ZNF385B: variants seen among roughly 807,000 people sequenced by gnomAD.
ZNF385B encodes the protein zinc finger protein 533.
ZNF385B carries 23 observed loss-of-function variants against 39.2 expected under a neutral mutation model. That is an observed-to-expected ratio of 0.59 (90% CI 0.42 to 0.83). ZNF385B has a LOEUF of 0.83. ZNF385B is among the 40% of genes least tolerant of loss of function. ZNF385B has a pLI of 0.00. For missense variants in ZNF385B, 552 were observed against 598.9 expected, an observed-to-expected ratio of 0.92 and a Z score of 0.82; for synonymous variants, 205 against 222.6, an observed-to-expected ratio of 0.92 and a Z score of 0.70.
At chr2:179,737,056 C>T (rs1701808320) in intron 3 of ZNF385B, among the ~76,000 whole-genome samples, 1 of 152,296 alleles carries the variant, frequency 6.6e-6, no homozygotes, top group African/African-American at 2.4e-5. Context: ...ATTTCCAAAC[C>T]TCATCACATT....
intron 1 of ZNF385B, among the ~76,000 whole-genome samples, chr2:179,804,454 G>A (rs1178794761): frequency 6.6e-6 from 1 of 152,140 alleles, no homozygotes. Context: ...ATATAATATG[G>A]CATAAACGTT....
intron 5 of ZNF385B, among the ~76,000 whole-genome samples, chr2:179,493,538 T>C (rs916424569): frequency 2.0e-5 from 3 of 151,032 alleles, no homozygotes; most frequent in South Asian, 2.1e-4. Flanking sequence ...CATATATGCG[T>C]ATACATACGT....
chr2:179,447,725 A>C (rs2049647199), intron 6 of ZNF385B, among the ~76,000 whole-genome samples: 1 of 152,184 alleles, frequency 6.6e-6, no homozygotes, highest in South Asian at 2.1e-4. Context: ...AAGGGAATTA[A>C]ATCTGAGAAT....
chr2:179,614,580 G>A (rs1689573204), intron 3 of ZNF385B, among the ~76,000 whole-genome samples: 4 of 152,170 alleles, frequency 2.6e-5, no homozygotes, highest in African/African-American at 9.7e-5. Flanking sequence ...CAGTATCAAG[G>A]AGGTAAAGCC....
At chr2:179,497,827 CTT>C (rs2105708662) in intron 5 of ZNF385B, among the ~76,000 whole-genome samples, 1 of 152,180 alleles carries the variant, frequency 6.6e-6, no homozygotes, top group East Asian at 1.9e-4. Flanking sequence ...AAAAAACACA[CTT>C]CACCTGTAAA....
intron 3 of ZNF385B, among the ~76,000 whole-genome samples, chr2:179,625,436 G>T (rs933268152): frequency 6.6e-6 from 1 of 151,358 alleles, no homozygotes; most frequent in African/African-American, 2.4e-5. Flanking sequence ...ATATATTATG[G>T]TTATTTGTAT....
chr2:179,819,813 A>G (rs560437113), intron 1 of ZNF385B, among the ~76,000 whole-genome samples: 1 of 152,296 alleles, frequency 6.6e-6, no homozygotes, highest in African/African-American at 2.4e-5. Context: ...TTCTATTATT[A>G]CACTATTTTT....
At chr2:179,518,723 CAT>C in intron 4 of ZNF385B, 85 bp from the exon 5 acceptor site, 1 of 768,808 alleles carries the variant, frequency 1.3e-6, no homozygotes, top group Non-Finnish European at 2.0e-6. Context: ...TGAAATATTC[CAT>C]AAAGTTTAAA....
chr2:179,452,843 T>C (rs979835191), intron 6 of ZNF385B, among the ~76,000 whole-genome samples: 9 of 152,160 alleles, frequency 5.9e-5, no homozygotes, highest in Non-Finnish European at 8.8e-5. Context: ...TTTGTGGCTA[T>C]ACTGTCTCTG....
chr2:179,472,063 T>C (rs1263016193), intron 6 of ZNF385B, among the ~76,000 whole-genome samples: 1 of 152,222 alleles, frequency 6.6e-6, no homozygotes, highest in African/African-American at 2.4e-5. Flanking sequence ...ATTACCTTGG[T>C]ATAGAATCCG....
chr2:179,758,070 G>T (rs1703155797), intron 3 of ZNF385B, among the ~76,000 whole-genome samples: 2 of 152,140 alleles, frequency 1.3e-5, no homozygotes, highest in African/African-American at 2.4e-5. Context: ...GGGAGCTATA[G>T]AGTGGAGCTG....
rs191819332 is a variant in ZNF385B at position 179,742,102 on chromosome 2, G to A, written c.298+27401C>T. ...ATAATACTCATTAATTATTCAAAAT[G>A]TTACTGATACTTATTTAATGTGCTG... On this transcript the variant is annotated intron_variant, in intron 3 of 9. Transcript: ENST00000410066. 1.6e-3 allele frequency among the ~76,000 whole-genome samples: 244 copies of A among 152,182 alleles called. 1 individual carries two copies. The highest frequency in any genetic ancestry group is 5.5e-3 in the African/African-American group (228 of 41,542).
intron 5 of ZNF385B, among the ~76,000 whole-genome samples, chr2:179,501,358 A>G (rs546935630): frequency 3.3e-4 from 51 of 152,328 alleles, no homozygotes; most frequent in African/African-American, 1.2e-3. Flanking sequence ...TCAACTGATG[A>G]ATGGGTGAAG....
intron 3 of ZNF385B, among the ~76,000 whole-genome samples, chr2:179,611,026 C>T (rs1177716418): frequency 6.6e-6 from 1 of 152,060 alleles, no homozygotes; most frequent in Non-Finnish European, 1.5e-5. Flanking sequence ...TTTAGACGCC[C>T]TTTCTTTTAT....
intron 1 of ZNF385B, among the ~76,000 whole-genome samples, chr2:179,779,278 G>A (rs1194633652): frequency 6.6e-6 from 1 of 152,212 alleles, no homozygotes; most frequent in Admixed American, 6.5e-5. Context: ...GAGATCCTAT[G>A]TGCACAGGTC....
chr2:179,477,513 A>T (rs2053557171), intron 6 of ZNF385B, among the ~76,000 whole-genome samples: 1 of 152,182 alleles, frequency 6.6e-6, no homozygotes. Flanking sequence ...TGGGATAAAT[A>T]AAACTATCTC....
intron 3 of ZNF385B, among the ~76,000 whole-genome samples, chr2:179,675,988 C>T (rs1373959154): frequency 1.3e-5 from 2 of 150,936 alleles, no homozygotes; most frequent in African/African-American, 4.9e-5. Context: ...GGGGTTTCAC[C>T]ATGTTGGCCA....
At chr2:179,493,668 C>T (rs1271389610) in intron 5 of ZNF385B, among the ~76,000 whole-genome samples, 4 of 103,068 alleles carry the variant, frequency 3.9e-5, no homozygotes, top group Non-Finnish European at 8.3e-5. Context: ...TATGTATATG[C>T]ATATGCATAT....
intron 1 of ZNF385B, among the ~76,000 whole-genome samples, chr2:179,833,121 G>T (rs1708069385): frequency 1.3e-5 from 2 of 152,090 alleles, no homozygotes; most frequent in South Asian, 4.1e-4. Context: ...ATAAATGTAT[G>T]TATGTATAGG....
Sources: gnomAD v4.1 joint callset for allele counts (sites outside exome capture counted in the v4.1 genomes callset) on GRCh38, gnomAD v4.1.1 for gene constraint, MANE v1.5 for transcripts, NCBI Gene and HGNC (gene_info 2026-07-23, HGNC 2026-07-21) for gene names.